Variants in CHL1 observed in about 807,000 individuals in gnomAD.
CHL1 encodes the protein cell adhesion molecule L1 like, also known as neural cell adhesion molecule L1-like protein.
CHL1 carries 96 observed loss-of-function variants against 141.9 expected under a neutral mutation model. The ratio of observed to expected loss-of-function variants is 0.68; its 90% CI spans 0.57 to 0.80. The LOEUF is 0.80. Among genes scored for constraint, CHL1 ranks in the 30% least tolerant of loss-of-function variants. The pLI is 0.00. For synonymous variants in CHL1, 613 were observed against 502.2 expected, an observed-to-expected ratio of 1.22 and a Z score of -2.95; for missense variants, 1,820 against 1,457.2, an observed-to-expected ratio of 1.25 and a Z score of -4.05.
intron 6 of CHL1, 32 bp from the exon 7 acceptor site, chr3:341,879 TG>T (rs1411258076): frequency 5.9e-6 from 9 of 1,527,784 alleles, no homozygotes; most frequent in Non-Finnish European, 8.0e-6. Context: ...AAGGGACAAT[TG>T]CCCTTTTCAA....
intron 2 of CHL1, among the ~76,000 whole-genome samples, chr3:278,874 T>C (rs758250970): frequency 6.6e-6 from 1 of 152,188 alleles, no homozygotes; most frequent in Admixed American, 6.5e-5. Flanking sequence ...AGAAATGACA[T>C]TATTGTGAGC....
At chr3:239,077 T>C (rs1322027492) in intron 1 of CHL1, among the ~76,000 whole-genome samples, 2 of 152,112 alleles carry the variant, frequency 1.3e-5, no homozygotes, top group Admixed American at 1.3e-4. Context: ...TTCCTCCTGA[T>C]GGCTGAGTTG....
intron 2 of CHL1, among the ~76,000 whole-genome samples, chr3:268,664 T>C (rs1695373104): frequency 6.6e-6 from 1 of 152,234 alleles, no homozygotes; most frequent in Non-Finnish European, 1.5e-5. Context: ...TCAATATTAT[T>C]GCACATGCCA....
At chr3:373,815 A>G (rs1248690120) in intron 15 of CHL1, 1 of 152,082 alleles carries the variant, frequency 6.6e-6, no homozygotes, top group South Asian at 2.1e-4. Flanking sequence ...ACATTCACTC[A>G]CCGCCTCCCT....
intron 3 of CHL1, among the ~76,000 whole-genome samples, chr3:322,855 T>G (rs76099360): frequency 6.6e-6 from 1 of 150,840 alleles, no homozygotes; most frequent in Non-Finnish European, 1.5e-5. Flanking sequence ...TCAGGTGATA[T>G]TTAATGTCCA....
chr3:356,275 C>T (rs1874947), intron 11 of CHL1, among the ~76,000 whole-genome samples: 72,409 of 151,998 alleles, frequency 0.48, 19,941 homozygotes, highest in Admixed American at 0.66. Flanking sequence ...CTCCGGAACA[C>T]AAAATCATAA....
intron 2 of CHL1, among the ~76,000 whole-genome samples, chr3:291,722 C>T (rs1697713161): frequency 6.6e-6 from 1 of 151,936 alleles, no homozygotes; most frequent in African/African-American, 2.4e-5. Context: ...CTGACTGACC[C>T]ATATTTGCAC....
intron 2 of CHL1, among the ~76,000 whole-genome samples, chr3:298,265 A>G (rs765255049): frequency 4.6e-5 from 7 of 152,206 alleles, no homozygotes; most frequent in Non-Finnish European, 7.3e-5. Flanking sequence ...AAGAGACCCC[A>G]TGGATCACAG....
chr3:399,147 A>G lies in CHL1; in HGVS notation c.3384A>G (p.Ser1128=), dbSNP rs1559361054. ...AGAGGAATAGAGGTGGAAAGTACTCAGGTAAAATTGTTTCTTAATGTGATT... is the reference window on the plus strand; with the variant it reads ...AGAGGAATAGAGGTGGAAAGTACTCGGGTAAAATTGTTTCTTAATGTGATT... ...FVKRNRGGKY[S]VKEKEDLHPD... The change falls in exon 26 of 28, where the codon TCA becomes TCG. Residue 1128 remains serine, a splice_region_variant and synonymous_variant. Coordinates refer to ENST00000256509, the MANE Select transcript of CHL1 (RefSeq NM_006614.4). 1 of 1,608,652 alleles carries G rather than the reference A, an allele frequency of 6.2e-7. No homozygotes were observed. The highest frequency in any genetic ancestry group is 8.5e-7 in the Non-Finnish European group (1 of 1,175,526).
intron 1 of CHL1, among the ~76,000 whole-genome samples, chr3:200,230 A>G (rs17329247): frequency 0.37 from 56,785 of 152,038 alleles, 12,962 homozygotes; most frequent in East Asian, 0.57. Context: ...GCTTTTCACC[A>G]TTTTCTATTT....
intron 7 of CHL1, among the ~76,000 whole-genome samples, chr3:342,386 C>G (rs1702409665): frequency 6.6e-6 from 1 of 152,100 alleles, no homozygotes; most frequent in South Asian, 2.1e-4. Context: ...CTAAGCAAAT[C>G]TTGGGCATCG....
At chr3:284,800 C>T (rs1696985251) in intron 2 of CHL1, among the ~76,000 whole-genome samples, 1 of 150,844 alleles carries the variant, frequency 6.6e-6, no homozygotes, top group South Asian at 2.1e-4. Context: ...CTCAGTAGAT[C>T]TAAGGACATT....
intron 1 of CHL1, among the ~76,000 whole-genome samples, chr3:205,102 TTC>T (rs1345859889): frequency 1.2e-4 from 4 of 32,134 alleles, no homozygotes; most frequent in African/African-American, 2.4e-4. Context: ...CTTTCTTTCT[TTC>T]TTTTTTTTTT....
At chr3:294,251 C>T (rs1697980778) in intron 2 of CHL1, among the ~76,000 whole-genome samples, 2 of 151,928 alleles carry the variant, frequency 1.3e-5, no homozygotes, top group Non-Finnish European at 2.9e-5. Flanking sequence ...CCTGGGAGGT[C>T]GAGGATGCAG....
intron 1 of CHL1, among the ~76,000 whole-genome samples, chr3:200,466 A>G (rs531860383): frequency 3.3e-5 from 5 of 152,296 alleles, no homozygotes; most frequent in South Asian, 2.1e-4. Flanking sequence ...TTATTTTTTC[A>G]AACCAAGATT....
At position 252,361 on chromosome 3, in the gene CHL1, GATATATATAT is replaced by G. The variant is rs71058760; in HGVS notation, c.-95+7700_-95+7709del. On this transcript the variant is annotated intron_variant, in intron 2 of 27. Transcript: ENST00000256509. ...AGCCACAGATTTAAGAAAGCATCCAGATATATATATATATATATATATATATATATATATA... is the reference window on the plus strand; with the variant it reads ...AGCCACAGATTTAAGAAAGCATCCAGATATATATATATATATATATATATA... Among the ~76,000 whole-genome samples the G allele has an allele frequency of 2.0e-3, 109 of 54,290 alleles. 1 individual carries two copies. Among genetic ancestry groups the G allele is most frequent in the African/African-American group, 4.4e-3 (61 of 13,738 alleles). The allele number at this position is 54,290 out of a possible 152,430, so 35.6% of individuals were successfully genotyped here. A position where few individuals can be genotyped will look rare whatever the true frequency, so the allele number is the denominator to read the frequency against.
At chr3:335,630 T>C (rs1292204040) in intron 5 of CHL1, among the ~76,000 whole-genome samples, 1 of 152,156 alleles carries the variant, frequency 6.6e-6, no homozygotes, top group East Asian at 1.9e-4. Context: ...CAAGTCAAAA[T>C]AGATAAAGCT....
chr3:319,591 CA>C (rs35995557), intron 2 of CHL1, 91 bp from the exon 3 acceptor site: 60,624 of 301,966 alleles, frequency 0.2, 807 homozygotes, highest in Non-Finnish European at 0.21. Context: ...ACTGCCAAAC[CA>C]AAAAAAAAAA....
At chr3:286,796 G>T (rs1160285527) in intron 2 of CHL1, among the ~76,000 whole-genome samples, 1 of 151,972 alleles carries the variant, frequency 6.6e-6, no homozygotes, top group Non-Finnish European at 1.5e-5. Context: ...AGAACTGAGG[G>T]TTCTTTCCCT....
Sources: gnomAD v4.1 joint callset for allele counts (sites outside exome capture counted in the v4.1 genomes callset) on GRCh38, gnomAD v4.1.1 for gene constraint, MANE v1.5 for transcripts, NCBI Gene and HGNC (gene_info 2026-07-23, HGNC 2026-07-21) for gene names.